The following ERC2 variants were observed in gnomAD, a reference collection of about 807,000 sequenced individuals.
ERC2 encodes ERC protein 2.
Under a neutral mutation model 114.8 loss-of-function variants are expected in ERC2, and 42 were observed. That is an observed-to-expected ratio of 0.37 (90% CI 0.29 to 0.47). The LOEUF (loss-of-function observed/expected upper bound fraction) is 0.47. Ranked by LOEUF, ERC2 falls within the 20% of genes least tolerant of loss-of-function variation. The probability of loss-of-function intolerance (pLI) is 0.99; values close to 1 mark genes in which losing one functional copy is unlikely to be tolerated. For synonymous variants in ERC2, 454 were observed against 425.5 expected (o/e 1.07, Z -0.82); for missense variants, 939 against 1,150.7 (o/e 0.82, Z 2.66).
Position 55,729,837 on chromosome 3 carries a change from C to CAAAAAAAAAAAAAAAAAAAAAAAAAAAAA in ERC2, c.2712+4933_2712+4934insTTTTTTTTTTTTTTTTTTTTTTTTTTTTT, listed in dbSNP as rs71096498. Among the ~76,000 whole-genome samples, 2 of 61,630 alleles carry CAAAAAAAAAAAAAAAAAAAAAAAAAAAAA rather than the reference C, an allele frequency of 3.2e-5. 1 individual carries two copies. Among genetic ancestry groups the CAAAAAAAAAAAAAAAAAAAAAAAAAAAAA allele is most frequent in the African/African-American group, 1.7e-4 (2 of 11,686 alleles). 40.4% of individuals were successfully genotyped at this position (61,630 alleles called of 152,430 possible). ...AGGGTAATGCAGTGAGACTCTATCGCAAAAAAAAAAAAAAAAAAAAAAAAA... is the reference window on the plus strand; with the variant it reads ...AGGGTAATGCAGTGAGACTCTATCGCAAAAAAAAAAAAAAAAAAAAAAAAAAAAAAAAAAAAAAAAAAAAAAAAAAAAAA... On this transcript the variant is annotated intron_variant, in intron 15 of 17. Coordinates refer to ENST00000288221, the MANE Select transcript of ERC2 (RefSeq NM_015576.3).
At chr3:56,115,799 C>T (rs1002513400) in intron 6 of ERC2, among the ~76,000 whole-genome samples, 1 of 152,064 alleles carries the variant, frequency 6.6e-6, no homozygotes, top group Non-Finnish European at 1.5e-5. Context: ...AAGGGACTCA[C>T]CTTTTAGCAT....
At chr3:55,710,358 C>G (rs1008580156) in intron 15 of ERC2, among the ~76,000 whole-genome samples, 1 of 152,142 alleles carries the variant, frequency 6.6e-6, no homozygotes, top group African/African-American at 2.4e-5. Flanking sequence ...TAACTTACCC[C>G]CCCAAAGAAG....
At chr3:55,648,319 C>T (rs1429485602) in intron 17 of ERC2, among the ~76,000 whole-genome samples, 2 of 152,148 alleles carry the variant, frequency 1.3e-5, no homozygotes, top group Non-Finnish European at 2.9e-5. Flanking sequence ...AGCTGTGAGA[C>T]TTTTGGGGAA....
At chr3:56,092,203 G>A (rs930835889) in intron 6 of ERC2, among the ~76,000 whole-genome samples, 2 of 152,070 alleles carry the variant, frequency 1.3e-5, no homozygotes, top group African/African-American at 2.4e-5. Context: ...TAACACAGTC[G>A]AGATTTTCAG....
chr3:56,339,434 A>G (rs34407400), intron 2 of ERC2, among the ~76,000 whole-genome samples: 47,199 of 151,648 alleles, frequency 0.31, 7,441 homozygotes, highest in Admixed American at 0.34. Flanking sequence ...GACACTCAGA[A>G]TACTTTGGCA....
At chr3:55,828,132 C>G (rs533318784) in intron 14 of ERC2, among the ~76,000 whole-genome samples, 8 of 152,224 alleles carry the variant, frequency 5.3e-5, no homozygotes, top group Non-Finnish European at 1.0e-4. Context: ...TTAAAGAACA[C>G]AGGGAAAGCT....
At chr3:56,201,353 T>C (rs1291797255) in intron 3 of ERC2, among the ~76,000 whole-genome samples, 1 of 152,234 alleles carries the variant, frequency 6.6e-6, no homozygotes, top group Non-Finnish European at 1.5e-5. Flanking sequence ...TTAGTTTTAC[T>C]TATAAAACAT....
chr3:56,245,205 T>C (rs990943308), intron 3 of ERC2, among the ~76,000 whole-genome samples: 2 of 150,910 alleles, frequency 1.3e-5, no homozygotes, highest in Non-Finnish European at 3.0e-5. Context: ...TAATATAATA[T>C]AAATTCTGCT....
chr3:56,095,689 G>A (rs1412941004), intron 6 of ERC2, among the ~76,000 whole-genome samples: 2 of 152,142 alleles, frequency 1.3e-5, no homozygotes, highest in Non-Finnish European at 2.9e-5. Context: ...ATTCCTATGA[G>A]GAACTAACTC....
intron 17 of ERC2, among the ~76,000 whole-genome samples, chr3:55,542,511 C>T (rs1396150868): frequency 6.6e-6 from 1 of 152,202 alleles, no homozygotes; most frequent in Non-Finnish European, 1.5e-5. Context: ...CTCTCTCTCT[C>T]TTTCTCATGC....
At chr3:55,656,285 T>C (rs1202809454) in intron 17 of ERC2, among the ~76,000 whole-genome samples, 1 of 152,024 alleles carries the variant, frequency 6.6e-6, no homozygotes, top group African/African-American at 2.4e-5. Flanking sequence ...ACTACAGGAG[T>C]ACACCCCCAC....
chr3:56,008,681 C>T (rs1173379840), intron 9 of ERC2, among the ~76,000 whole-genome samples: 2 of 152,148 alleles, frequency 1.3e-5, no homozygotes, highest in South Asian at 2.1e-4. Context: ...TAATAGAAGG[C>T]ATTTTGTAGA....
At chr3:56,097,664 G>A (rs552214709) in intron 6 of ERC2, among the ~76,000 whole-genome samples, 6 of 152,220 alleles carry the variant, frequency 3.9e-5, no homozygotes, top group East Asian at 3.9e-4. Flanking sequence ...AGTTCCCACC[G>A]TTTTCACATC....
At chr3:55,752,179 T>A (rs1055173352) in intron 14 of ERC2, among the ~76,000 whole-genome samples, 2 of 152,160 alleles carry the variant, frequency 1.3e-5, no homozygotes, top group Admixed American at 6.5e-5. Flanking sequence ...GATTTCCCCA[T>A]CACTAGAAAC....
intron 7 of ERC2, among the ~76,000 whole-genome samples, chr3:56,038,448 G>A (rs2149649977): frequency 6.6e-6 from 1 of 152,324 alleles, no homozygotes; most frequent in South Asian, 2.1e-4. Context: ...TGCTGGTGAG[G>A]CTGTAAAGAA....
At chr3:55,796,516 C>G (rs1026766649) in intron 14 of ERC2, among the ~76,000 whole-genome samples, 11 of 152,148 alleles carry the variant, frequency 7.2e-5, no homozygotes, top group African/African-American at 2.7e-4. Context: ...ACCTCTGCCC[C>G]CTGGGTTCAA....
At chr3:55,531,579 C>CTTTTAAAAGATGATGAAA (rs1361616287) in intron 17 of ERC2, among the ~76,000 whole-genome samples, 1 of 152,200 alleles carries the variant, frequency 6.6e-6, no homozygotes, top group East Asian at 1.9e-4. Flanking sequence ...TCCTGGTTCC[C>CTTTTAAAAGATGATGAAA]TTTTAAAAGA....
intron 14 of ERC2, among the ~76,000 whole-genome samples, chr3:55,755,594 C>T (rs114374273): frequency 1.6e-4 from 25 of 152,266 alleles, no homozygotes; most frequent in Admixed American, 3.3e-4. Flanking sequence ...CCTGTCACTA[C>T]TTTTTATACT....
At chr3:55,796,231 G>T (rs1048531827) in intron 14 of ERC2, among the ~76,000 whole-genome samples, 1 of 148,422 alleles carries the variant, frequency 6.7e-6, no homozygotes, top group Non-Finnish European at 1.5e-5. Flanking sequence ...TTCGAAGCAG[G>T]CAAGGCCTGG....
Sources: gnomAD v4.1 joint callset for allele counts (sites outside exome capture counted in the v4.1 genomes callset) on GRCh38, gnomAD v4.1.1 for gene constraint, MANE v1.5 for transcripts, NCBI Gene and HGNC (gene_info 2026-07-23, HGNC 2026-07-21) for gene names.